CEMIP: variants seen among roughly 807,000 people sequenced by gnomAD.
CEMIP encodes the protein cell migration inducing hyaluronidase 1.
CEMIP carries 105 observed loss-of-function variants against 156.9 expected under a neutral mutation model. The ratio of observed to expected loss-of-function variants is 0.67; its 90% confidence interval spans 0.57 to 0.79. The LOEUF is 0.79. Ranked by LOEUF, CEMIP falls within the 30% of genes least tolerant of loss-of-function variation. The pLI is 0.00. For missense variants in CEMIP, 1,457 were observed against 1,769.4 expected (o/e 0.82, Z 3.17); for synonymous variants, 676 against 668.4 (o/e 1.01, Z -0.17).
rs940873381 is a variant in CEMIP, at chr15:80,932,613, T to C, written c.2793+574T>C. On this transcript the variant is annotated intron_variant, in intron 22 of 29. Transcript: ENST00000394685. This position sits in a 1 kb window ranked among gnomAD's most constrained non-coding sequence, Gnocchi z 4.5. ...CTTCAGGTTATGGATTCCCAGACTT[T>C]TCCCTCCTTCTCCTCCCTGCTCCTG... Among the ~76,000 whole-genome samples the C allele has an allele frequency of 3.9e-5, 6 of 152,142 alleles. No individual in the cohort carries two copies. Among genetic ancestry groups the C allele is most frequent in the African/African-American group, 1.4e-4 (6 of 41,424 alleles).
intron 1 of CEMIP, among the ~76,000 whole-genome samples, chr15:80,821,737 G>T (rs1381034394): frequency 6.6e-6 from 1 of 152,152 alleles, no homozygotes; most frequent in African/African-American, 2.4e-5. Context: ...TCTTCTAATG[G>T]GCTACTTAGA....
At chr15:80,842,191 C>A in intron 1 of CEMIP, 1 of 415,892 alleles carries the variant, frequency 2.4e-6, no homozygotes, top group Admixed American at 3.4e-5. Flanking sequence ...TCATCTTTTA[C>A]CTATTCTCTT....
intron 1 of CEMIP, among the ~76,000 whole-genome samples, chr15:80,835,064 AT>A (rs1045937863): frequency 4.7e-5 from 7 of 149,602 alleles, no homozygotes; most frequent in African/African-American, 1.7e-4. Context: ...ACTAAAAACT[AT>A]TCTGAGTCCT....
chr15:80,945,615 C>T (rs113821173), intron 28 of CEMIP, among the ~76,000 whole-genome samples: 1 of 152,232 alleles, frequency 6.6e-6, no homozygotes, highest in Non-Finnish European at 1.5e-5. Context: ...TTATTTCACA[C>T]AAGCCCTTCG....
chr15:80,908,011 T>C (rs1899880102), intron 13 of CEMIP, among the ~76,000 whole-genome samples: 2 of 152,240 alleles, frequency 1.3e-5, no homozygotes, highest in African/African-American at 4.8e-5. Flanking sequence ...CTTTGTCACA[T>C]AGGCCTATAT....
intron 1 of CEMIP, among the ~76,000 whole-genome samples, chr15:80,844,412 G>C (rs912731909): frequency 6.6e-6 from 1 of 152,236 alleles, no homozygotes; most frequent in Admixed American, 6.5e-5. Context: ...GGGGCAGGAG[G>C]GGGTGGAAAC....
At position 80,946,976 on chromosome 15, in the gene CEMIP, T is replaced by G. The variant is rs1468990882; in HGVS notation, c.3869T>G (p.Leu1290Arg). ...TTCTTCTCACACAGTTCCATAGTGC[T>G]TATGGCATCAAAGGGAAGATACGTC... is the stretch of plus-strand genomic sequence containing the variant. Reference protein sequence around the residue: ...VATIPDNSIVLMASKGRYVSR... With the variant: ...VATIPDNSIVRMASKGRYVSR... Residue 1290 changes from leucine (L) to arginine (R), a missense_variant, in exon 29 of 30, where the codon CTT becomes CGT. Leu to Arg is a moderately radical substitution (Grantham distance 102, BLOSUM62 -2). Coordinates refer to ENST00000394685, the MANE Select transcript of CEMIP (RefSeq NM_001293298.2). The G allele has an allele frequency of 6.2e-7, 1 of 1,612,354 alleles. No individual in the cohort carries two copies. The highest frequency in any genetic ancestry group is 1.3e-5 in the African/African-American group (1 of 74,852).
At chr15:80,942,878 C>A in intron 27 of CEMIP, 67 bp from the exon 28 acceptor site, 1 of 1,595,426 alleles carries the variant, frequency 6.3e-7, no homozygotes, top group South Asian at 1.1e-5. Context: ...GCTTGGGAAC[C>A]ACCTGGGCAG....
At chr15:80,779,717 C>G (rs1895740267) in intron 1 of CEMIP, 103 bp downstream of exon 1, 2 of 152,530 alleles carry the variant, frequency 1.3e-5, no homozygotes, top group South Asian at 4.1e-4. Flanking sequence ...ACAGGGTAAA[C>G]GTTACCCGCC....
At chr15:80,947,463 G>A (rs183440494) in intron 29 of CEMIP, 59 of 243,574 alleles carry the variant, frequency 2.4e-4, no homozygotes, top group East Asian at 1.6e-3. Flanking sequence ...GATGCCTAGC[G>A]TTTGTACAGT....
intron 3 of CEMIP, among the ~76,000 whole-genome samples, chr15:80,877,219 G>A (rs1229231532): frequency 1.3e-5 from 2 of 152,070 alleles, no homozygotes; most frequent in Non-Finnish European, 2.9e-5. Flanking sequence ...ATGAGATTTG[G>A]GTGAGGACAC....
chr15:80,858,364 A>T (rs998856959), intron 1 of CEMIP, among the ~76,000 whole-genome samples: 2 of 152,214 alleles, frequency 1.3e-5, no homozygotes, highest in African/African-American at 2.4e-5. Context: ...CCGATAAAGT[A>T]ATGTAAGGCC....
At chr15:80,944,235 G>C (rs1901452815) in intron 28 of CEMIP, among the ~76,000 whole-genome samples, 1 of 152,152 alleles carries the variant, frequency 6.6e-6, no homozygotes, top group Admixed American at 6.5e-5. Flanking sequence ...AGCCGAGATT[G>C]CGCAGCTGCA....
chr15:80,879,168 T>G (rs1898562682), intron 4 of CEMIP, among the ~76,000 whole-genome samples: 2 of 152,196 alleles, frequency 1.3e-5, no homozygotes, highest in African/African-American at 4.8e-5. Context: ...GTGATGGCAT[T>G]TGACCAGACA....
chr15:80,790,093 C>T (rs754342301), intron 1 of CEMIP, among the ~76,000 whole-genome samples: 2 of 152,310 alleles, frequency 1.3e-5, no homozygotes, highest in East Asian at 3.9e-4. Flanking sequence ...GATGGCTTCT[C>T]ATCTCAGCCA....
intron 13 of CEMIP, 95 bp from the exon 14 acceptor site, chr15:80,909,002 G>T: frequency 8.4e-7 from 1 of 1,184,936 alleles, no homozygotes; most frequent in South Asian, 1.3e-5. Flanking sequence ...GACTGACAAA[G>T]AACAATGCCT....
chr15:80,840,619 A>T (rs1404357129), intron 1 of CEMIP, among the ~76,000 whole-genome samples: 1 of 152,192 alleles, frequency 6.6e-6, no homozygotes, highest in East Asian at 1.9e-4. Context: ...TGCAGGGGGA[A>T]ACTGCAGGGG....
Position 80,869,692 on chromosome 15 carries a change from A to G in CEMIP, c.-175-3846A>G, listed in dbSNP as rs76154421. ...AAGATACTCGAGAGGCAGGATTCACATCCGATTCCTCTCTGTACCTCCCAA... is the reference window on the plus strand; with the variant it reads ...AAGATACTCGAGAGGCAGGATTCACGTCCGATTCCTCTCTGTACCTCCCAA... On this transcript the variant is annotated intron_variant, in intron 1 of 29. Transcript: ENST00000394685. 5.7e-3 allele frequency among the ~76,000 whole-genome samples: 869 copies of G among 152,296 alleles called. 5 individuals are homozygous for G. The highest frequency in any genetic ancestry group is 0.017 in the Middle Eastern group (5 of 292).
chr15:80,814,381 C>A (rs956254634), intron 1 of CEMIP, among the ~76,000 whole-genome samples: 1 of 152,150 alleles, frequency 6.6e-6, no homozygotes, highest in Non-Finnish European at 1.5e-5. Context: ...GAGCAACCCA[C>A]GGCTTGGCCA....
Sources: allele counts gnomAD v4.1 joint callset (sites outside exome capture counted in the v4.1 genomes callset), GRCh38; gene constraint gnomAD v4.1.1; non-coding constraint Gnocchi (gnomAD v3.1); transcripts MANE v1.5; gene names NCBI Gene and HGNC (gene_info 2026-07-23, HGNC 2026-07-21).